Variants in MOB3B observed in about 807,000 individuals in gnomAD.
MOB3B encodes MOB kinase activator 3B, also known as MOB kinase activator-like 2B.
A neutral mutation model predicts 18.7 loss-of-function variants in MOB3B; 7 were observed. That is an observed-to-expected ratio of 0.37 (90% CI 0.21 to 0.70). The LOEUF (loss-of-function observed/expected upper bound fraction) is 0.70, where lower values mean the gene tolerates loss of function less well. Among genes scored for constraint, MOB3B ranks in the 30% least tolerant of loss-of-function variants. MOB3B has a pLI of 0.52. For synonymous variants in MOB3B, 111 were observed against 99.9 expected, an observed-to-expected ratio of 1.11 and a Z score of -0.66; for missense variants, 253 against 281.3, an observed-to-expected ratio of 0.90 and a Z score of 0.72.
rs946176678 is a variant in MOB3B at position 27,326,406 on chromosome 9, A to G, written c.*4181T>C. On this transcript the variant is annotated 3_prime_UTR_variant, in exon 4 of 4. Coordinates refer to ENST00000262244, the MANE Select transcript of MOB3B (RefSeq NM_024761.5). ...CTGATTAATTGTATTTTCACTTATT[A>G]TATATCATCTTTGGACCTTTCTAAA... 3 of 398,404 alleles carry G rather than the reference A, an allele frequency of 7.5e-6. No homozygotes were observed. The highest frequency in any genetic ancestry group is 4.4e-5 in the Admixed American group (1 of 22,716). 24.7% of individuals were successfully genotyped at this position (398,404 alleles called of 1,614,324 possible). A position where few individuals can be genotyped will look rare whatever the true frequency, so the allele number is the denominator to read the frequency against.
Position 27,455,133 on chromosome 9 carries a change from C to A in MOB3B, c.418G>T (p.Gly140Cys). ...AACTGAGAGCTGGTAATGAACTTAC[C>A]CACGCATGTTGGAAATATTTCCTCG... is the stretch of plus-strand genomic sequence containing the variant. ...NNEEIFPTCVGVPFPKNFLQI... is the reference protein window; with the variant it reads ...NNEEIFPTCVCVPFPKNFLQI... Residue 140 changes from glycine to cysteine, a missense_variant and splice_region_variant, in exon 2 of 4, where the codon GGT becomes TGT. Transcript: ENST00000262244. 6.2e-7 allele frequency: 1 copy of A among 1,614,006 alleles called. No homozygotes were observed. Among genetic ancestry groups the A allele is most frequent in the South Asian group, 1.1e-5 (1 of 91,062 alleles).
intron 1 of MOB3B, among the ~76,000 whole-genome samples, chr9:27,471,077 G>C (rs1251924103): frequency 6.6e-6 from 1 of 152,142 alleles, no homozygotes; most frequent in Non-Finnish European, 1.5e-5. Flanking sequence ...GGAAATGGCA[G>C]AAAGACCAAG....
At chr9:27,487,940 C>T (rs907617437) in intron 1 of MOB3B, among the ~76,000 whole-genome samples, 2 of 152,116 alleles carry the variant, frequency 1.3e-5, no homozygotes, top group Non-Finnish European at 2.9e-5. Context: ...ACTTCCAAAA[C>T]CAAACTTCTG....
At chr9:27,347,786 T>C (rs1046412959) in intron 3 of MOB3B, among the ~76,000 whole-genome samples, 2 of 152,250 alleles carry the variant, frequency 1.3e-5, no homozygotes, top group Non-Finnish European at 2.9e-5. Flanking sequence ...ACACAAATAC[T>C]TACCATTATG....
At chr9:27,435,050 TCTCTC>T (rs1822478225) in intron 2 of MOB3B, among the ~76,000 whole-genome samples, 1 of 30,694 alleles carries the variant, frequency 3.3e-5, no homozygotes, top group East Asian at 8.8e-4. Context: ...AAGGTGTTTC[TCTCTC>T]TCTCTCTCTC....
In MOB3B at chr9:27,522,420, C is replaced by CATATAT. The variant is rs66472709; in HGVS notation, c.-199+7129_-199+7134dup. On this transcript the variant is annotated intron_variant, in intron 1 of 3. Transcript: ENST00000262244. ...TTGCATATATATCAAGACATTTTTT[C>CATATAT]ATATATATATATATATATATATATA... Among the ~76,000 whole-genome samples the CATATAT allele has an allele frequency of 9.2e-3, 1,302 of 141,328 alleles. 13 individuals carry two copies. The highest frequency in any genetic ancestry group is 0.032 in the African/African-American group (1,209 of 37,554). 92.7% of individuals were successfully genotyped at this position (141,328 alleles called of 152,430 possible).
At chr9:27,402,212 A>G (rs1821896005) in intron 2 of MOB3B, among the ~76,000 whole-genome samples, 1 of 152,244 alleles carries the variant, frequency 6.6e-6, no homozygotes, top group African/African-American at 2.4e-5. Flanking sequence ...CATTTGGTTG[A>G]ACCACATGAA....
intron 1 of MOB3B, among the ~76,000 whole-genome samples, chr9:27,483,400 G>A (rs1297253395): frequency 4.6e-5 from 7 of 152,024 alleles, no homozygotes; most frequent in Non-Finnish European, 7.4e-5. Flanking sequence ...CCAAAGTGCT[G>A]GGATTACAGG....
chr9:27,488,865 A>G (rs1042110677), intron 1 of MOB3B, among the ~76,000 whole-genome samples: 1 of 152,228 alleles, frequency 6.6e-6, no homozygotes, highest in East Asian at 1.9e-4. Flanking sequence ...GGCTGCCTGT[A>G]TTCACTTATG....
In MOB3B at chr9:27,326,152, T is replaced by A. The variant is rs944513448; in HGVS notation, c.*4435A>T. ...GGACTTAGCAAAGAAACAATATAGTTTGGAGAAGGCATGAAATAAGTTCTT... is the reference window on the plus strand; with the variant it reads ...GGACTTAGCAAAGAAACAATATAGTATGGAGAAGGCATGAAATAAGTTCTT... On this transcript the variant is annotated 3_prime_UTR_variant, in exon 4 of 4. Coordinates refer to ENST00000262244, the MANE Select transcript of MOB3B (RefSeq NM_024761.5). 2 of 256,108 alleles carry A rather than the reference T, an allele frequency of 7.8e-6. No individual in the cohort carries two copies. Among genetic ancestry groups the A allele is most frequent in the Non-Finnish European group, 1.5e-5 (2 of 136,944 alleles). 15.9% of individuals were successfully genotyped at this position (256,108 alleles called of 1,614,324 possible). A position where few individuals can be genotyped will look rare whatever the true frequency, so the allele number is the denominator to read the frequency against.
chr9:27,381,084 G>C (rs1821571397), intron 2 of MOB3B, among the ~76,000 whole-genome samples: 1 of 152,154 alleles, frequency 6.6e-6, no homozygotes, highest in Non-Finnish European at 1.5e-5. Context: ...ATGCAGCTGA[G>C]ATCAGTATGC....
intron 1 of MOB3B, among the ~76,000 whole-genome samples, chr9:27,458,614 G>A (rs556990432): frequency 2.2e-5 from 3 of 133,916 alleles, no homozygotes; most frequent in Admixed American, 7.2e-5. Flanking sequence ...GGTGTGGTGT[G>A]ATCATGGCTC....
intron 2 of MOB3B, chr9:27,421,457 T>G (rs541604610): frequency 6.6e-6 from 1 of 152,324 alleles, no homozygotes; most frequent in South Asian, 2.1e-4. Context: ...TAAGTGAGAG[T>G]AGCATAAAGT....
intron 2 of MOB3B, among the ~76,000 whole-genome samples, chr9:27,406,838 T>C (rs1360561428): frequency 6.6e-6 from 1 of 152,004 alleles, no homozygotes; most frequent in African/African-American, 2.4e-5. Context: ...CCAAGATTTC[T>C]TTTTTTCTTT....
chr9:27,516,515 T>C (rs902996002), intron 1 of MOB3B, among the ~76,000 whole-genome samples: 4 of 152,172 alleles, frequency 2.6e-5, no homozygotes, highest in Non-Finnish European at 4.4e-5. Flanking sequence ...AGATCAACAA[T>C]GGCAAATAGA....
At chr9:27,446,291 C>T (rs1822691762) in intron 2 of MOB3B, among the ~76,000 whole-genome samples, 1 of 152,022 alleles carries the variant, frequency 6.6e-6, no homozygotes, top group African/African-American at 2.4e-5. Flanking sequence ...ACTTGCACTA[C>T]AGTAGTAGTT....
chr9:27,480,140 G>A (rs116940183), intron 1 of MOB3B, among the ~76,000 whole-genome samples: 1,844 of 150,464 alleles, frequency 0.012, 17 homozygotes, highest in Middle Eastern at 0.031. Flanking sequence ...TGGGAGAGAA[G>A]AAATAGAATG....
At chr9:27,521,413 G>A (rs1001821657) in intron 1 of MOB3B, among the ~76,000 whole-genome samples, 1 of 152,188 alleles carries the variant, frequency 6.6e-6, no homozygotes, top group Admixed American at 6.5e-5. Context: ...CAATCTTTTA[G>A]CTTGGTTAGT....
At chr9:27,379,323 C>G (rs1033106157) in intron 2 of MOB3B, among the ~76,000 whole-genome samples, 1 of 152,152 alleles carries the variant, frequency 6.6e-6, no homozygotes, top group Non-Finnish European at 1.5e-5. Flanking sequence ...CTGGGGTTTC[C>G]TTCAACTCTG....
Sources: gnomAD v4.1 joint callset for allele counts (sites outside exome capture counted in the v4.1 genomes callset) on GRCh38, gnomAD v4.1.1 for gene constraint, MANE v1.5 for transcripts, NCBI Gene and HGNC (gene_info 2026-07-23, HGNC 2026-07-21) for gene names.